The following SORBS2 variants were observed in gnomAD, a reference collection of about 807,000 sequenced individuals.
SORBS2 encodes sorbin and SH3 domain-containing protein 2.
Under a neutral mutation model 97.7 loss-of-function variants are expected in SORBS2, and 46 were observed. The ratio of observed to expected loss-of-function variants is 0.47; its 90% CI spans 0.37 to 0.60. The LOEUF is 0.60. Among genes scored for constraint, SORBS2 ranks in the 20% least tolerant of loss-of-function variants. The probability of loss-of-function intolerance (pLI) is 0.00; values close to 1 mark genes in which losing one functional copy is unlikely to be tolerated. For synonymous variants in SORBS2, 476 were observed against 473.4 expected (o/e 1.01, Z -0.07); for missense variants, 1,316 against 1,282.3 (o/e 1.03, Z -0.40).
chr4:185,741,839 A>G (rs1465241354), intron 2 of SORBS2, among the ~76,000 whole-genome samples: 1 of 152,230 alleles, frequency 6.6e-6, no homozygotes, highest in African/African-American at 2.4e-5. Context: ...TTTGGGAGCC[A>G]ACTCAAATGC....
At position 185,677,012 on chromosome 4, in the gene SORBS2, G is replaced by C. The variant is rs1187402661; in HGVS notation, c.-46+1411C>G. On this transcript the variant is annotated intron_variant, in intron 4 of 20. Transcript: ENST00000284776. Reference sequence around the variant, plus strand: ...CTTAAGGTACCACTCTGCAGTCTGAGGACTGAGAGGCCGCTGCAACTGCAG... The same window carrying C: ...CTTAAGGTACCACTCTGCAGTCTGACGACTGAGAGGCCGCTGCAACTGCAG... 3.9e-6 allele frequency: 6 copies of C among 1,550,526 alleles called. No homozygotes were observed. The East Asian group carries it at 1.5e-4, about 38-fold the overall frequency.
At chr4:185,885,227 T>C (rs1398568193) in intron 1 of SORBS2, among the ~76,000 whole-genome samples, 2 of 152,200 alleles carry the variant, frequency 1.3e-5, no homozygotes, top group African/African-American at 2.4e-5. Flanking sequence ...GATGGGAAAG[T>C]TAGCAAATCC....
At chr4:185,849,974 C>T (rs1008075036) in intron 1 of SORBS2, among the ~76,000 whole-genome samples, 9 of 152,168 alleles carry the variant, frequency 5.9e-5, no homozygotes, top group Admixed American at 3.9e-4. Context: ...AGGATTTCTA[C>T]GTTGCGTTTT....
intron 2 of SORBS2, among the ~76,000 whole-genome samples, chr4:185,689,453 T>A (rs895090627): frequency 2.6e-5 from 4 of 152,230 alleles, no homozygotes; most frequent in African/African-American, 9.6e-5. Context: ...TCTCCAATCA[T>A]CAAGTTGCCT....
chr4:185,841,624 T>C (rs1221920131), intron 1 of SORBS2, among the ~76,000 whole-genome samples: 1 of 152,192 alleles, frequency 6.6e-6, no homozygotes, highest in Non-Finnish European at 1.5e-5. Context: ...GCATGGGTTT[T>C]GGCAGATGGC....
chr4:185,629,395 C>G (rs1427440623), intron 5 of SORBS2, among the ~76,000 whole-genome samples: 1 of 151,838 alleles, frequency 6.6e-6, no homozygotes, highest in Non-Finnish European at 1.5e-5. Flanking sequence ...TTGGATGGCA[C>G]TCAGAAACCC....
intron 2 of SORBS2, among the ~76,000 whole-genome samples, chr4:185,735,072 A>G (rs978536910): frequency 1.8e-4 from 27 of 152,204 alleles, no homozygotes; most frequent in African/African-American, 6.5e-4. Context: ...ATTATAAGAA[A>G]TTTTATACAA....
intron 1 of SORBS2, among the ~76,000 whole-genome samples, chr4:185,920,202 C>G (rs2099260309): frequency 6.6e-6 from 1 of 152,136 alleles, no homozygotes; most frequent in African/African-American, 2.4e-5. Flanking sequence ...TTCTACAGAT[C>G]TTGAATGGCC....
chr4:185,796,270 A>G lies in SORBS2; in HGVS notation c.-337-20904T>C, dbSNP rs547847214. ...GTGGTGCTCTCACAACAGAGAAACT[A>G]TCTTATAAAGGAAATCCTATTTCAC... is the stretch of plus-strand genomic sequence containing the variant. On this transcript the variant is annotated intron_variant, in intron 1 of 20. Coordinates refer to the SORBS2 transcript ENST00000284776. Among the ~76,000 whole-genome samples, 18 of 152,258 alleles carry G rather than the reference A, an allele frequency of 1.2e-4. No individual in the cohort carries two copies. In the South Asian group the frequency reaches 3.7e-3, roughly 32 times the overall value.
exon 12 of SORBS2, chr4:185,611,973 C>T: frequency 6.3e-7 from 1 of 1,592,456 alleles, no homozygotes; most frequent in South Asian, 1.1e-5. Flanking sequence ...AAGAATAACT[C>T]TATCTCCCTG....
chr4:185,807,430 A>T (rs1316748454), intron 1 of SORBS2, among the ~76,000 whole-genome samples: 1 of 152,198 alleles, frequency 6.6e-6, no homozygotes, highest in Non-Finnish European at 1.5e-5. Flanking sequence ...CTGTATAGGG[A>T]AGAGGAAACC....
intron 1 of SORBS2, among the ~76,000 whole-genome samples, chr4:185,944,483 A>G (rs1163231509): frequency 6.6e-6 from 1 of 152,250 alleles, no homozygotes; most frequent in African/African-American, 2.4e-5. Context: ...GTCAATCTAG[A>G]GACTATAAAG....
At chr4:185,819,654 C>A in intron 1 of SORBS2, among the ~76,000 whole-genome samples, 1 of 152,132 alleles carries the variant, frequency 6.6e-6, no homozygotes, top group Non-Finnish European at 1.5e-5. Flanking sequence ...TGTCAGTGAG[C>A]CTTTATTCCT....
chr4:185,614,892 C>T, exon 11 of SORBS2: 2 of 1,614,182 alleles, frequency 1.2e-6, no homozygotes, highest in Non-Finnish European at 1.7e-6. Flanking sequence ...TATAGCTTCT[C>T]CGATTTCTCC....
At chr4:185,655,508 G>T (rs1327992743) in intron 1 of SORBS2, among the ~76,000 whole-genome samples, 1 of 152,098 alleles carries the variant, frequency 6.6e-6, no homozygotes, top group Non-Finnish European at 1.5e-5. Flanking sequence ...TCATAGACCT[G>T]GACCTTCTTT....
At chr4:185,930,822 G>A (rs1398410176) in intron 1 of SORBS2, among the ~76,000 whole-genome samples, 2 of 152,146 alleles carry the variant, frequency 1.3e-5, no homozygotes, top group East Asian at 3.9e-4. Context: ...GATGGAAAAA[G>A]TAATAATGAC....
intron 1 of SORBS2, among the ~76,000 whole-genome samples, chr4:185,823,547 G>A (rs1375923294): frequency 1.3e-5 from 2 of 148,302 alleles, no homozygotes; most frequent in African/African-American, 5.0e-5. Flanking sequence ...AAAGAAAATG[G>A]TTATTAAAAA....
At chr4:185,743,157 A>G (rs2098737969) in intron 2 of SORBS2, among the ~76,000 whole-genome samples, 1 of 152,158 alleles carries the variant, frequency 6.6e-6, no homozygotes, top group Non-Finnish European at 1.5e-5. Context: ...TCCTTTTTAA[A>G]TTATATTTTT....
chr4:185,702,307 G>A (rs796382688), intron 2 of SORBS2, among the ~76,000 whole-genome samples: 3 of 152,104 alleles, frequency 2.0e-5, no homozygotes, highest in Non-Finnish European at 2.9e-5. Flanking sequence ...AAAGGGAGCC[G>A]GCGTGCAGAG....
Sources: allele counts gnomAD v4.1 joint callset (sites outside exome capture counted in the v4.1 genomes callset), GRCh38; gene constraint gnomAD v4.1.1; transcripts MANE v1.5; gene names NCBI Gene and HGNC (gene_info 2026-07-23, HGNC 2026-07-21).